Variants in KCND3 observed in about 807,000 individuals in gnomAD.
KCND3 encodes A-type voltage-gated potassium channel KCND3.
A neutral mutation model predicts 51.1 loss-of-function variants in KCND3; 9 were observed. The observed-to-expected ratio is 0.18, with a 90% confidence interval of 0.11 to 0.31. The LOEUF (loss-of-function observed/expected upper bound fraction) is 0.31. Among genes scored for constraint, KCND3 ranks in the 10% least tolerant of loss-of-function variants. The probability of loss-of-function intolerance (pLI) is 1.00; values close to 1 mark genes in which losing one functional copy is unlikely to be tolerated. For missense variants in KCND3, 526 were observed against 903.8 expected (o/e 0.58, Z 5.36); for synonymous variants, 349 against 368.0 (o/e 0.95, Z 0.59).
chr1:111,859,021 T>C (rs1234576858), intron 2 of KCND3, among the ~76,000 whole-genome samples: 1 of 152,198 alleles, frequency 6.6e-6, no homozygotes, highest in Non-Finnish European at 1.5e-5. Flanking sequence ...CTGGTCTCCA[T>C]TTCTCCCTCC....
chr1:111,982,066 G>A lies in KCND3; in HGVS notation c.661C>T (p.Arg221Cys), dbSNP rs1332646922. 6.2e-7 allele frequency: 1 copy of A among 1,613,692 alleles called. No individual in the cohort carries two copies. Among genetic ancestry groups the A allele is most frequent in the East Asian group, 2.2e-5 (1 of 44,778 alleles). ...AGGCAGAAGAAGGCCACCGAGTAGC[G>A]CTCCCCGCACGGCAGCTCCTTGCTG... Reference protein sequence around the residue: ...PGSKELPCGERYSVAFFCLDT... With the variant: ...PGSKELPCGECYSVAFFCLDT... The change falls in exon 2 of 8, where the codon CGC becomes TGC. Residue 221 changes from arginine (R) to cysteine (C), a missense_variant. Arg to Cys is a radical substitution (Grantham distance 180). Around this residue, in one of 5 missense-constraint regions of KCND3, gnomAD observed 51 missense variants for 84.7 expected, o/e 0.60. Transcript: ENST00000302127. This position sits in a 1 kb window ranked among gnomAD's most constrained non-coding sequence, Gnocchi z 8.5.
chr1:111,973,738 A>G (rs917643941), intron 2 of KCND3, among the ~76,000 whole-genome samples: 7 of 152,196 alleles, frequency 4.6e-5, no homozygotes, highest in Admixed American at 1.3e-4. Context: ...CCTCCCAGAA[A>G]ATGGTTTCTT....
chr1:111,777,173 G>A lies in KCND3; in HGVS notation c.1619C>T (p.Pro540Leu), dbSNP rs145710286. The stretch of plus-strand genomic sequence containing the variant: ...GGAGCAGCAGGTGGTAGTGAGGCCT[G>A]GGTGGCTGGACAGTGAGGGACTTCT... The part of the protein sequence containing the change: ...STRSPSLSSH[P>L]GLTTTCCSRR... Residue 540 changes from proline (P) to leucine (L), a missense_variant, in exon 7 of 8, where the codon CCA becomes CTA. By Grantham distance (98) the Pro-to-Leu change is moderately conservative. Transcript: ENST00000302127. 6.2e-7 allele frequency: 1 copy of A among 1,614,186 alleles called. No individual in the cohort carries two copies. The highest frequency in any genetic ancestry group is 1.3e-5 in the African/African-American group (1 of 75,046).
chr1:111,888,681 CAAAAAAAAAAAA>C (rs34732548), intron 2 of KCND3, among the ~76,000 whole-genome samples: 46 of 103,592 alleles, frequency 4.4e-4, no homozygotes, highest in African/African-American at 1.6e-3. Flanking sequence ...CACTCCATCT[CAAAAAAAAAAAA>C]AAAAAAGAAA....
chr1:111,978,732 G>A (rs1674779829), intron 2 of KCND3, among the ~76,000 whole-genome samples: 1 of 152,346 alleles, frequency 6.6e-6, no homozygotes, highest in African/African-American at 2.4e-5. Context: ...TGCAGGCTGT[G>A]CAGGCTGAAA....
chr1:111,940,778 C>T (rs1672477174), intron 2 of KCND3, among the ~76,000 whole-genome samples: 1 of 152,228 alleles, frequency 6.6e-6, no homozygotes, highest in Non-Finnish European at 1.5e-5. Context: ...CTGCACCCCT[C>T]ACCGATGACA....
intron 2 of KCND3, among the ~76,000 whole-genome samples, chr1:111,908,699 G>A (rs1257115887): frequency 6.6e-6 from 1 of 152,042 alleles, no homozygotes; most frequent in Non-Finnish European, 1.5e-5. Context: ...CTTCTCTTGA[G>A]TATTTCCTTG....
intron 2 of KCND3, among the ~76,000 whole-genome samples, chr1:111,947,564 G>A (rs1251114823): frequency 2.0e-5 from 3 of 152,216 alleles, no homozygotes; most frequent in Non-Finnish European, 4.4e-5. Context: ...AGTAATTGGT[G>A]AGACTAGGAC....
At chr1:111,968,142 TGC>T (rs969336738) in intron 2 of KCND3, among the ~76,000 whole-genome samples, 43 of 152,344 alleles carry the variant, frequency 2.8e-4, no homozygotes, top group African/African-American at 8.7e-4. Context: ...CTGTAAGCCC[TGC>T]CCAAACTCTG....
In KCND3 at chr1:111,804,047, A is replaced by G. The variant is rs143027839; in HGVS notation, c.1107-16941T>C. Among the ~76,000 whole-genome samples the G allele has an allele frequency of 1.4e-3, 210 of 152,300 alleles. 1 individual carries two copies. The highest frequency in any genetic ancestry group is 4.8e-3 in the African/African-American group (199 of 41,564). ...AGCGCTTATAGAAGGGCAGGCATCA[A>G]TGGCCACTAGACCGAGCTGCCCAGC... is the stretch of plus-strand genomic sequence containing the variant. On this transcript the variant is annotated intron_variant, in intron 2 of 7. Coordinates refer to ENST00000302127, the MANE Select transcript of KCND3 (RefSeq NM_001378969.1).
At chr1:111,921,024 A>T (rs1671451802) in intron 2 of KCND3, among the ~76,000 whole-genome samples, 1 of 152,174 alleles carries the variant, frequency 6.6e-6, no homozygotes, top group African/African-American at 2.4e-5. Flanking sequence ...TGGGAATTCC[A>T]GGGGGAAGAA....
chr1:111,932,708 G>A (rs1672036728), intron 2 of KCND3, among the ~76,000 whole-genome samples: 1 of 152,164 alleles, frequency 6.6e-6, no homozygotes, highest in African/African-American at 2.4e-5. Context: ...TTCTTGTTTT[G>A]CAACAACTCC....
At chr1:111,871,486 A>G (rs1259904129) in intron 2 of KCND3, among the ~76,000 whole-genome samples, 1 of 152,194 alleles carries the variant, frequency 6.6e-6, no homozygotes, top group Admixed American at 6.5e-5. Context: ...CGGTGTCACT[A>G]AGAGAAATAG....
chr1:111,954,991 C>T (rs535620492), intron 2 of KCND3, among the ~76,000 whole-genome samples: 20 of 152,338 alleles, frequency 1.3e-4, no homozygotes, highest in Admixed American at 2.6e-4. Context: ...CCTTAGGATC[C>T]GGCCAAGATT....
At chr1:111,834,054 T>C (rs1466958626) in intron 2 of KCND3, among the ~76,000 whole-genome samples, 1 of 152,208 alleles carries the variant, frequency 6.6e-6, no homozygotes, top group Non-Finnish European at 1.5e-5. Flanking sequence ...TCACTTGAGA[T>C]GGCCACTTGA....
chr1:111,816,617 T>C (rs1279675843), intron 2 of KCND3, among the ~76,000 whole-genome samples: 2 of 152,232 alleles, frequency 1.3e-5, no homozygotes, highest in Non-Finnish European at 2.9e-5. Flanking sequence ...TGGGCGCTTC[T>C]ACTGTGTCTT....
Position 111,904,751 on chromosome 1 carries a change from C to T in KCND3, c.1106+76870G>A, listed in dbSNP as rs534837262. Among the ~76,000 whole-genome samples, 412 of 152,362 alleles carry T rather than the reference C, an allele frequency of 2.7e-3. 3 individuals carry two copies. Among genetic ancestry groups the T allele is most frequent in the Non-Finnish European group, 4.8e-3 (329 of 68,040 alleles). The stretch of plus-strand genomic sequence containing the variant: ...CTTAGAGACCCTTATCTGCACCTGC[C>T]GCCGATTGGCTCTGATAGAGCCCTG... On this transcript the variant is annotated intron_variant, in intron 2 of 7. Transcript: ENST00000302127.
intron 2 of KCND3, among the ~76,000 whole-genome samples, chr1:111,871,423 G>T (rs1668823001): frequency 6.6e-6 from 1 of 152,134 alleles, no homozygotes; most frequent in African/African-American, 2.4e-5. Flanking sequence ...AACACAATTG[G>T]TAGGTCCTAG....
intron 2 of KCND3, among the ~76,000 whole-genome samples, chr1:111,914,272 T>A (rs1314702295): frequency 2.2e-5 from 3 of 138,758 alleles, no homozygotes; most frequent in South Asian, 2.3e-4. Flanking sequence ...GAAAAAAGAT[T>A]AAAAAAAAAA....
Sources: allele counts gnomAD v4.1 joint callset (sites outside exome capture counted in the v4.1 genomes callset), GRCh38; gene constraint gnomAD v4.1.1; regional missense constraint gnomAD v4.1.1; non-coding constraint Gnocchi (gnomAD v3.1); transcripts MANE v1.5; gene names NCBI Gene and HGNC (gene_info 2026-07-23, HGNC 2026-07-21).